OS9: variants seen among roughly 807,000 people sequenced by gnomAD.
The protein encoded by OS9 is OS9 endoplasmic reticulum lectin, also known as protein OS-9.
Under a neutral mutation model 84.7 loss-of-function variants are expected in OS9, and 58 were observed. That is an observed-to-expected ratio of 0.68 (90% CI 0.55 to 0.85). OS9 has a LOEUF of 0.85. Among genes scored for constraint, OS9 ranks in the 40% least tolerant of loss-of-function variants. The pLI, the probability that OS9 is intolerant of heterozygous loss-of-function variation, is 0.00. For missense variants in OS9, 760 were observed against 850.9 expected, an observed-to-expected ratio of 0.89 and a Z score of 1.33; for synonymous variants, 278 against 320.8, an observed-to-expected ratio of 0.87 and a Z score of 1.43.
intron 5 of OS9, among the ~76,000 whole-genome samples, chr12:57,701,817 A>G (rs2140300844): frequency 7.5e-6 from 1 of 132,802 alleles, no homozygotes; most frequent in East Asian, 2.1e-4. Flanking sequence ...GTTTTTTGAG[A>G]TAGAGTTTCA....
intron 5 of OS9, among the ~76,000 whole-genome samples, chr12:57,697,244 G>C (rs1416417820): frequency 1.3e-5 from 2 of 152,182 alleles, no homozygotes; most frequent in African/African-American, 2.4e-5. Context: ...GATGTCAACT[G>C]TCTTGCAACA....
At chr12:57,707,116 C>T (rs1042113228) in intron 5 of OS9, among the ~76,000 whole-genome samples, 4 of 152,188 alleles carry the variant, frequency 2.6e-5, no homozygotes, top group Non-Finnish European at 5.9e-5. Flanking sequence ...AATATATCCT[C>T]TTTTGCATTC....
At chr12:57,701,543 T>C (rs1954026704) in intron 5 of OS9, among the ~76,000 whole-genome samples, 1 of 151,986 alleles carries the variant, frequency 6.6e-6, no homozygotes, top group South Asian at 2.1e-4. Flanking sequence ...CCCAAAGTGC[T>C]GGGATTACAG....
chr12:57,719,458 C>A (rs905689236), intron 12 of OS9: 27 of 430,216 alleles, frequency 6.3e-5, no homozygotes, highest in Non-Finnish European at 1.1e-4. Context: ...CTGCCTGGCA[C>A]ACAATGGATG....
chr12:57,695,879 G>A, intron 3 of OS9, 36 bp downstream of exon 3: 1 of 1,580,374 alleles, frequency 6.3e-7, no homozygotes, highest in Non-Finnish European at 8.7e-7. Flanking sequence ...AGCCCTTAGT[G>A]TCATATCATG....
chr12:57,718,931 A>G, intron 11 of OS9, 62 bp from the exon 12 acceptor site: 1 of 1,238,604 alleles, frequency 8.1e-7, no homozygotes, highest in Non-Finnish European at 1.2e-6. Flanking sequence ...TACAGAGCCC[A>G]GCCCGCTGGC....
At position 57,716,073 on chromosome 12, in the gene OS9, G is replaced by C; in HGVS notation, c.791-19G>C. 6.2e-7 allele frequency: 1 copy of C among 1,605,980 alleles called. No homozygotes were observed. Among genetic ancestry groups the C allele is most frequent in the Non-Finnish European group, 8.5e-7 (1 of 1,172,658 alleles). ...GGAGGAATGTGTTCCTGGCCTGCTTGCATGCTGTTTCTCAGTAGACTCAAA... is the reference window on the plus strand; with the variant it reads ...GGAGGAATGTGTTCCTGGCCTGCTTCCATGCTGTTTCTCAGTAGACTCAAA... On this transcript the variant is annotated intron_variant, in intron 6 of 14. Coordinates refer to ENST00000315970, the MANE Select transcript of OS9 (RefSeq NM_006812.4).
Position 57,720,932 on chromosome 12 carries a change from T to C in OS9, c.*23T>C. 3.1e-6 allele frequency: 5 copies of C among 1,613,780 alleles called. No individual in the cohort carries two copies. Among genetic ancestry groups the C allele is most frequent in the Non-Finnish European group, 3.4e-6 (4 of 1,179,814 alleles). ...TGAGACCAACACTACACTTGACCCT[T>C]CACGGAATCCAGACTCTTCCTGGAC... On this transcript the variant is annotated 3_prime_UTR_variant, in exon 15 of 15. Transcript: ENST00000315970.
chr12:57,696,262 A>G lies in OS9; in HGVS notation c.481-13A>G. The G allele has an allele frequency of 6.3e-7, 1 of 1,598,118 alleles. No individual in the cohort carries two copies. Among genetic ancestry groups the G allele is most frequent in the Non-Finnish European group, 8.6e-7 (1 of 1,168,562 alleles). On this transcript the variant is annotated splice_polypyrimidine_tract_variant and intron_variant, in intron 4 of 14. Transcript: ENST00000315970. ...TTCTCATGTCCCCCATTCCTGCCTC[A>G]TGTCTTCTCCAGGCCTCCAAGCAGC... is the stretch of plus-strand genomic sequence containing the variant.
chr12:57,695,244 A>T (rs1830127634), intron 2 of OS9: 1 of 423,020 alleles, frequency 2.4e-6, no homozygotes, highest in African/African-American at 2.0e-5. Context: ...ACTCTGCTCC[A>T]GTATCCTGTT....
At chr12:57,711,038 CAAAAAAAAA>C (rs35365273) in intron 5 of OS9, among the ~76,000 whole-genome samples, 58 of 71,916 alleles carry the variant, frequency 8.1e-4, no homozygotes, top group Admixed American at 4.6e-3. Flanking sequence ...GACTCCGTCT[CAAAAAAAAA>C]AAAAAAAAAA....
chr12:57,717,494 T>C (rs1463912710), intron 9 of OS9, among the ~76,000 whole-genome samples: 2 of 151,994 alleles, frequency 1.3e-5, no homozygotes, highest in African/African-American at 4.8e-5. Flanking sequence ...TAACACACCA[T>C]GTTGAAAAAG....
intron 5 of OS9, among the ~76,000 whole-genome samples, chr12:57,705,006 C>A (rs1823280020): frequency 6.6e-6 from 1 of 152,172 alleles, no homozygotes; most frequent in African/African-American, 2.4e-5. Flanking sequence ...ATTGAATAGT[C>A]CATACATTCC....
chr12:57,718,197 C>T lies in OS9; in HGVS notation c.1186C>T (p.Pro396Ser), dbSNP rs1168141498. The T allele has an allele frequency of 6.2e-7, 1 of 1,614,042 alleles. No individual in the cohort carries two copies. The highest frequency in any genetic ancestry group is 8.5e-7 in the Non-Finnish European group (1 of 1,180,016). Residue 396 changes from proline (P) to serine (S), a missense_variant, in exon 11 of 15, where the codon CCT becomes TCT. Physicochemically the swap from Pro to Ser is moderately conservative, Grantham distance 74. Coordinates refer to ENST00000315970, the MANE Select transcript of OS9 (RefSeq NM_006812.4). ...EQPVDDAAEV[P>S]QREPEKERGD... ...GCCTGTGGATGATGCTGCAGAAGTC[C>T]CTCAGAGGGAACCAGAGAAGGAAAG...
Position 57,695,993 on chromosome 12 carries a change from C to T in OS9, c.435C>T (p.Leu145=), listed in dbSNP as rs1456807913. The T allele has an allele frequency of 3.8e-5, 62 of 1,613,480 alleles. No homozygotes were observed. The highest frequency in any genetic ancestry group is 1.6e-4 in the Middle Eastern group (1 of 6,080). ...DSEIKGEVLY[L]GYYQSAFDWD... is the part of the protein sequence containing the mutation. ...AGATCAAAGGTGAAGTCCTCTATCT[C>T]GGCTACTACCAATCAGCCTTCGACT... Residue 145 remains leucine, a synonymous_variant, in exon 4 of 15, where the codon CTC becomes CTT. Transcript: ENST00000315970.
chr12:57,706,770 G>A (rs1954179954), intron 5 of OS9, among the ~76,000 whole-genome samples: 1 of 142,554 alleles, frequency 7.0e-6, no homozygotes, highest in Non-Finnish European at 1.5e-5. Flanking sequence ...GATTGCTTTA[G>A]TTGGAGAGGT....
rs1260700628 is a variant in OS9, at chr12:57,721,074, C to A, written c.*165C>A. The A allele has an allele frequency of 1.5e-6, 1 of 687,014 alleles. No individual in the cohort carries two copies. Among genetic ancestry groups the A allele is most frequent in the East Asian group, 2.8e-5 (1 of 35,112 alleles). The allele number at this position is 687,014 out of a possible 1,614,324, so 42.6% of individuals were successfully genotyped here. A position where few individuals can be genotyped will look rare whatever the true frequency, so the allele number is the denominator to read the frequency against. ...TGGGTGTGGGGGCCCTGGGTGAATG[C>A]TGCTGCCCCTGCTGGCAGCCACCTT... On this transcript the variant is annotated 3_prime_UTR_variant, in exon 15 of 15. Coordinates refer to ENST00000315970, the MANE Select transcript of OS9 (RefSeq NM_006812.4).
At chr12:57,718,755 A>G (rs1954587132) in intron 11 of OS9, among the ~76,000 whole-genome samples, 1 of 152,102 alleles carries the variant, frequency 6.6e-6, no homozygotes, top group South Asian at 2.1e-4. Flanking sequence ...ATGCAAACAA[A>G]TTGGCCAGGC....
At chr12:57,695,586 A>C (rs1565764321) in intron 2 of OS9, 194 bp from the exon 3 acceptor site, 2 of 706,882 alleles carry the variant, frequency 2.8e-6, no homozygotes, top group Non-Finnish European at 2.6e-6. Context: ...CTTTAGAGAT[A>C]TCTCTCCAAG....
Sources: gnomAD v4.1 joint callset for allele counts (sites outside exome capture counted in the v4.1 genomes callset) on GRCh38, gnomAD v4.1.1 for gene constraint, MANE v1.5 for transcripts, NCBI Gene and HGNC (gene_info 2026-07-23, HGNC 2026-07-21) for gene names.